GPR83: variants seen among roughly 807,000 people sequenced by gnomAD.
GPR83 encodes G-protein coupled receptor 72.
GPR83 carries 23 observed loss-of-function variants against 28.0 expected under a neutral mutation model. The ratio of observed to expected loss-of-function variants is 0.82; its 90% confidence interval spans 0.59 to 1.16. The LOEUF (loss-of-function observed/expected upper bound fraction) is 1.16, where lower values mean the gene tolerates loss of function less well. Among genes scored for constraint, GPR83 ranks in the 50% most tolerant of loss-of-function variants. GPR83 has a pLI of 0.00. For synonymous variants in GPR83, 234 were observed against 215.4 expected, an observed-to-expected ratio of 1.09 and a Z score of -0.76; for missense variants, 610 against 536.6, an observed-to-expected ratio of 1.14 and a Z score of -1.35.
chr11:94,379,838 G>A lies in GPR83; in HGVS notation c.*311C>T, dbSNP rs1297423967. On this transcript the variant is annotated 3_prime_UTR_variant, in exon 4 of 4. Transcript: ENST00000243673. The stretch of plus-strand genomic sequence containing the variant: ...GTAAGGCAGCAGCTGCCCCACAGAT[G>A]GAGGCAGTTGAATGATTCAGCCCCC... 4.6e-6 allele frequency: 1 copy of A among 217,032 alleles called. No homozygotes were observed. Among genetic ancestry groups the A allele is most frequent in the African/African-American group, 2.3e-5 (1 of 43,908 alleles). 13.4% of individuals were successfully genotyped at this position (217,032 alleles called of 1,614,324 possible).
chr11:94,382,631 G>A (rs1424904079), intron 3 of GPR83, among the ~76,000 whole-genome samples: 1 of 152,122 alleles, frequency 6.6e-6, no homozygotes, highest in African/African-American at 2.4e-5. Flanking sequence ...CAATGAGACA[G>A]AAAATTAACA....
At chr11:94,381,558 A>AGTGTGTGTGT (rs56180709) in intron 3 of GPR83, among the ~76,000 whole-genome samples, 2,662 of 148,138 alleles carry the variant, frequency 0.018, 46 homozygotes, top group African/African-American at 0.026. Context: ...GGAGTGAGTG[A>AGTGTGTGTGT]GTGTGTGTGT....
At chr11:94,395,591 C>T (rs565211020) in intron 2 of GPR83, among the ~76,000 whole-genome samples, 3 of 152,316 alleles carry the variant, frequency 2.0e-5, no homozygotes, top group South Asian at 4.2e-4. Flanking sequence ...AAGCGTACAA[C>T]GTGAGTTCAT....
chr11:94,394,190 T>C (rs1260581348), intron 2 of GPR83, among the ~76,000 whole-genome samples: 2 of 152,162 alleles, frequency 1.3e-5, no homozygotes, highest in South Asian at 2.1e-4. Flanking sequence ...TGAGCTCATC[T>C]TCCCATGATT....
At chr11:94,380,847 G>A in intron 3 of GPR83, 74 bp from the exon 4 acceptor site, 1 of 1,350,580 alleles carries the variant, frequency 7.4e-7, no homozygotes, top group Non-Finnish European at 1.0e-6. Flanking sequence ...TTCATCCCAA[G>A]AAGCACTGGC....
chr11:94,384,870 G>A (rs370994945), intron 3 of GPR83, among the ~76,000 whole-genome samples: 4 of 152,212 alleles, frequency 2.6e-5, no homozygotes, highest in African/African-American at 9.7e-5. Context: ...CCAGCATGCA[G>A]CTTGAGATCT....
chr11:94,385,485 A>G (rs1218792589), intron 3 of GPR83, among the ~76,000 whole-genome samples: 1 of 152,212 alleles, frequency 6.6e-6, no homozygotes, highest in Non-Finnish European at 1.5e-5. Context: ...AGAATAACCA[A>G]TGCTGAGAAG....
Position 94,382,245 on chromosome 11 carries a change from G to A in GPR83, c.648-1472C>T, listed in dbSNP as rs34409281. On this transcript the variant is annotated intron_variant, in intron 3 of 3. Transcript: ENST00000243673. Reference sequence around the variant, plus strand: ...CACATGCCTATAATCCCAGCTACTCGGGAGGCTGAGGCAGGAGAACCCAGG... The same window carrying A: ...CACATGCCTATAATCCCAGCTACTCAGGAGGCTGAGGCAGGAGAACCCAGG... Among the ~76,000 whole-genome samples, 402 of 151,320 alleles carry A rather than the reference G, an allele frequency of 2.7e-3. 1 individual carries two copies. Among genetic ancestry groups the A allele is most frequent in the Non-Finnish European group, 4.5e-3 (303 of 67,870 alleles).
intron 3 of GPR83, among the ~76,000 whole-genome samples, chr11:94,391,494 TCTACA>T (rs1208689885): frequency 6.6e-6 from 1 of 152,056 alleles, no homozygotes; most frequent in Non-Finnish European, 1.5e-5. Context: ...CTAAAGAGCT[TCTACA>T]CAGCACAAGA....
chr11:94,387,245 C>A (rs930577094), intron 3 of GPR83, among the ~76,000 whole-genome samples: 6 of 152,148 alleles, frequency 3.9e-5, no homozygotes, highest in Non-Finnish European at 8.8e-5. Context: ...AAAATTGACA[C>A]CCTAACATCA....
chr11:94,400,650 A>C (rs999329326), intron 1 of GPR83, among the ~76,000 whole-genome samples: 1 of 151,738 alleles, frequency 6.6e-6, no homozygotes, highest in African/African-American at 2.4e-5. Context: ...AAAACAGGAG[A>C]GATACAAGAA....
At chr11:94,387,247 C>A (rs1340535970) in intron 3 of GPR83, among the ~76,000 whole-genome samples, 3 of 152,118 alleles carry the variant, frequency 2.0e-5, no homozygotes, top group Non-Finnish European at 4.4e-5. Context: ...AATTGACACC[C>A]TAACATCACA....
chr11:94,400,485 CAAG>C (rs1201613460), intron 1 of GPR83, among the ~76,000 whole-genome samples: 1 of 120,828 alleles, frequency 8.3e-6, no homozygotes, highest in Admixed American at 9.7e-5. Context: ...GAGAGACTGA[CAAG>C]AAGAAAAAGA....
intron 3 of GPR83, among the ~76,000 whole-genome samples, chr11:94,391,661 AG>A (rs1326036604): frequency 6.6e-6 from 1 of 152,240 alleles, no homozygotes; most frequent in Non-Finnish European, 1.5e-5. Context: ...AAGTGGGCAA[AG>A]GATATGAACA....
In GPR83 at chr11:94,400,645, A is replaced by G. The variant is rs570827104; in HGVS notation, c.387+216T>C. Among the ~76,000 whole-genome samples the G allele has an allele frequency of 1.7e-4, 26 of 152,048 alleles. No individual in the cohort carries two copies. The South Asian group carries it at 5.4e-3, about 32-fold the overall frequency. On this transcript the variant is annotated intron_variant, in intron 1 of 3. Coordinates refer to ENST00000243673, the MANE Select transcript of GPR83 (RefSeq NM_016540.4). ...GACTGAAAGAAAGACTAAGAAAAAC[A>G]GGAGAGATACAAGAACCGAGATGAC... is the stretch of plus-strand genomic sequence containing the variant.
chr11:94,385,605 A>G (rs1944746079), intron 3 of GPR83, among the ~76,000 whole-genome samples: 1 of 152,222 alleles, frequency 6.6e-6, no homozygotes, highest in African/African-American at 2.4e-5. Flanking sequence ...TCAGTGATGG[A>G]AGATCAAATG....
In GPR83 at chr11:94,379,977, G is replaced by T; in HGVS notation, c.*172C>A. 1 of 462,230 alleles carries T rather than the reference G, an allele frequency of 2.2e-6. No homozygotes were observed. The highest frequency in any genetic ancestry group is 3.7e-6 in the Non-Finnish European group (1 of 268,152). The allele number at this position is 462,230 out of a possible 1,614,324, so 28.6% of individuals were successfully genotyped here. ...CATGTCTAGTTGGTGGTGCCTTTTA[G>T]TTTTCACATCACATGGGGCTAGGAG... On this transcript the variant is annotated 3_prime_UTR_variant, in exon 4 of 4. Coordinates refer to ENST00000243673, the MANE Select transcript of GPR83 (RefSeq NM_016540.4).
At chr11:94,390,159 G>C (rs1233057514) in intron 3 of GPR83, among the ~76,000 whole-genome samples, 1 of 151,926 alleles carries the variant, frequency 6.6e-6, no homozygotes, top group Non-Finnish European at 1.5e-5. Context: ...ATCACACACT[G>C]GGGACTGTTG....
At chr11:94,399,291 G>A (rs1479735127) in intron 1 of GPR83, among the ~76,000 whole-genome samples, 1 of 152,220 alleles carries the variant, frequency 6.6e-6, no homozygotes, top group Non-Finnish European at 1.5e-5. Context: ...ATGCCCAGGG[G>A]ATATTAAGTG....
Sources: gnomAD v4.1 joint callset for allele counts (sites outside exome capture counted in the v4.1 genomes callset) on GRCh38, gnomAD v4.1.1 for gene constraint, MANE v1.5 for transcripts, NCBI Gene and HGNC (gene_info 2026-07-23, HGNC 2026-07-21) for gene names.